The following CCDC88C variants were observed in gnomAD, a reference collection of about 807,000 sequenced individuals.
CCDC88C encodes the protein protein Daple.
A neutral mutation model predicts 198.8 loss-of-function variants in CCDC88C; 131 were observed. The ratio of observed to expected loss-of-function variants is 0.66; its 90% CI spans 0.57 to 0.76. CCDC88C has a LOEUF of 0.76. Ranked by LOEUF, CCDC88C falls within the 30% of genes least tolerant of loss-of-function variation. The pLI is 0.00. For missense variants in CCDC88C, 2,553 were observed against 2,631.6 expected (o/e 0.97, Z 0.65); for synonymous variants, 1,166 against 1,114.7 (o/e 1.05, Z -0.92).
chr14:91,359,995 A>AAGCT (rs1894232954), intron 3 of CCDC88C, among the ~76,000 whole-genome samples: 1 of 152,216 alleles, frequency 6.6e-6, no homozygotes, highest in African/African-American at 2.4e-5. Flanking sequence ...AATAAAATGA[A>AAGCT]AGCTAAAGTT....
At chr14:91,296,264 G>C (rs760938551) in intron 22 of CCDC88C, among the ~76,000 whole-genome samples, 2 of 152,238 alleles carry the variant, frequency 1.3e-5, no homozygotes, top group Non-Finnish European at 2.9e-5. Flanking sequence ...TCCACCCTGA[G>C]TGAATCATCA....
At chr14:91,394,784 A>AACGTGCAGGGCTAGAGACAGGC (rs1270208031) in intron 3 of CCDC88C, among the ~76,000 whole-genome samples, 1 of 152,220 alleles carries the variant, frequency 6.6e-6, no homozygotes, top group Admixed American at 6.5e-5. Context: ...ACAGGAGAAA[A>AACGTGCAGGGCTAGAGACAGGC]ACGTGCAGGG....
Position 91,304,158 on chromosome 14 carries a change from C to T in CCDC88C, c.3358-180G>A, listed in dbSNP as rs548733855. On this transcript the variant is annotated intron_variant, in intron 19 of 29. Coordinates refer to ENST00000389857, the MANE Select transcript of CCDC88C (RefSeq NM_001080414.4). ...CAACTGCTGTGGGAAGGGGACTAAA[C>T]CGCATAGACGGGCACTCAGAGGGTA... Among the ~76,000 whole-genome samples the T allele has an allele frequency of 3.3e-5, 5 of 152,384 alleles. No homozygotes were observed. In the East Asian group the frequency reaches 9.6e-4, roughly 29 times the overall value.
In CCDC88C at chr14:91,285,820, C is replaced by G. The variant is rs144129662; in HGVS notation, c.4442-2303G>C. 3,423 of 1,288,546 alleles carry G rather than the reference C, an allele frequency of 2.7e-3. 6 individuals carry two copies. Among genetic ancestry groups the G allele is most frequent in the Non-Finnish European group, 2.9e-3 (2,907 of 988,506 alleles). The allele number at this position is 1,288,546 out of a possible 1,614,324, so 79.8% of individuals were successfully genotyped here. On this transcript the variant is annotated intron_variant, in intron 25 of 29. Transcript: ENST00000389857. ...TGTTTTTGCTTTTCAAAAAGGGACT[C>G]TTTTTGCGCGGAGGTGCTAAATTGT...
intron 22 of CCDC88C, among the ~76,000 whole-genome samples, chr14:91,296,549 G>A (rs888392556): frequency 1.3e-5 from 2 of 152,176 alleles, no homozygotes; most frequent in African/African-American, 2.4e-5. Flanking sequence ...AGGGTCCCAG[G>A]GTCTCTCATT....
Position 91,416,793 on chromosome 14 carries a change from T to C in CCDC88C, c.106A>G (p.Thr36Ala). ...CCGTCCACTAAATCCATGTACATAG[T>C]CAGGTTGTCCTGGCTGCCGCTTCCA... The part of the protein sequence containing the change: ...PFGSGSQDNL[T>A]MYMDLVDGIF... The change falls in exon 2 of 30, where the codon ACT becomes GCT. Residue 36 changes from threonine to alanine, a missense_variant. By Grantham distance (58) the Thr-to-Ala change is moderately conservative. Coordinates refer to ENST00000389857, the MANE Select transcript of CCDC88C (RefSeq NM_001080414.4). 6.2e-7 allele frequency: 1 copy of C among 1,613,682 alleles called. No homozygotes were observed. The highest frequency in any genetic ancestry group is 1.1e-5 in the South Asian group (1 of 91,024).
intron 25 of CCDC88C, chr14:91,285,367 G>A (rs1178457638): frequency 1.1e-5 from 5 of 450,342 alleles, no homozygotes; most frequent in African/African-American, 4.0e-5. Flanking sequence ...TGCAAGAGAC[G>A]GGAGGGGGGC....
At chr14:91,328,298 G>T (rs1284419501) in intron 10 of CCDC88C, among the ~76,000 whole-genome samples, 1 of 152,076 alleles carries the variant, frequency 6.6e-6, no homozygotes. Flanking sequence ...GAAACATCTC[G>T]AGTGCCCTGC....
intron 2 of CCDC88C, among the ~76,000 whole-genome samples, chr14:91,413,637 C>G (rs1886898406): frequency 6.6e-6 from 1 of 152,200 alleles, no homozygotes; most frequent in Non-Finnish European, 1.5e-5. Flanking sequence ...ATGAATTCTC[C>G]TAGCCCTGGG....
At chr14:91,299,415 G>A (rs930467191) in intron 21 of CCDC88C, among the ~76,000 whole-genome samples, 1 of 152,214 alleles carries the variant, frequency 6.6e-6, no homozygotes, top group African/African-American at 2.4e-5. Context: ...AGTAGGAGCT[G>A]AAACAAGAAG....
rs200872231 is a variant in CCDC88C, at chr14:91,313,226, C to T, written c.2590G>A (p.Ala864Thr). Residue 864 changes from alanine to threonine, a missense_variant, in exon 15 of 30, where the codon GCC becomes ACC. This residue lies in a region of CCDC88C where 1,260 missense variants were observed against 1,412.0 expected (regional missense o/e 0.89). Transcript: ENST00000389857. The surrounding 1 kb of genome is among the most constrained non-coding windows in gnomAD (Gnocchi z 5.2). ...VLDDSTAKLS[A>T]VEKESRALDK... Reference sequence around the variant, plus strand: ...AGCGCGCGGCTCTCCTTCTCAACGGCGGACAGTTTGGCAGTGCTATCGTCC... The same window carrying T: ...AGCGCGCGGCTCTCCTTCTCAACGGTGGACAGTTTGGCAGTGCTATCGTCC... 4.4e-5 allele frequency: 71 copies of T among 1,613,990 alleles called. No individual in the cohort carries two copies. Among genetic ancestry groups the T allele is most frequent in the African/African-American group, 2.5e-4 (19 of 75,070 alleles).
chr14:91,321,334 G>C, intron 12 of CCDC88C, 30 bp from the exon 13 acceptor site: 1 of 1,547,094 alleles, frequency 6.5e-7, no homozygotes, highest in Non-Finnish European at 8.7e-7. Context: ...AGAGCCCAGT[G>C]GTCTGTGGGC....
At chr14:91,329,501 C>G (rs1892721922) in intron 10 of CCDC88C, among the ~76,000 whole-genome samples, 1 of 152,188 alleles carries the variant, frequency 6.6e-6, no homozygotes, top group Non-Finnish European at 1.5e-5. Flanking sequence ...AGGAGTACCC[C>G]TCTTGCAGCA....
At position 91,338,974 on chromosome 14, in the gene CCDC88C, T is replaced by C. The variant is rs1326428767; in HGVS notation, c.809+304A>G. 5.8e-6 allele frequency: 3 copies of C among 513,440 alleles called. No homozygotes were observed. The highest frequency in any genetic ancestry group is 1.1e-5 in the Non-Finnish European group (3 of 280,794). The allele number at this position is 513,440 out of a possible 1,614,324, so 31.8% of individuals were successfully genotyped here. A position where few individuals can be genotyped will look rare whatever the true frequency, so the allele number is the denominator to read the frequency against. On this transcript the variant is annotated intron_variant, in intron 8 of 29. Transcript: ENST00000389857. The surrounding 1 kb of genome is among the most constrained non-coding windows in gnomAD (Gnocchi z 4.8). Reference sequence around the variant, plus strand: ...TCCAGCCAAGAAAACACATCAGGTGTGGTCGTCCCGGCCCCAAGCTGGAGC... The same window carrying C: ...TCCAGCCAAGAAAACACATCAGGTGCGGTCGTCCCGGCCCCAAGCTGGAGC...
chr14:91,286,381 A>C (rs1055926688), intron 25 of CCDC88C, among the ~76,000 whole-genome samples: 5 of 152,208 alleles, frequency 3.3e-5, no homozygotes, highest in African/African-American at 9.7e-5. Flanking sequence ...GAGTTTTAAA[A>C]TAATTTAAAT....
At position 91,361,481 on chromosome 14, in the gene CCDC88C, C is replaced by A. The variant is rs572552448; in HGVS notation, c.271-1770G>T. The stretch of plus-strand genomic sequence containing the variant: ...ACCTGCAGAGAACATAGAAGATGGT[C>A]TTCTCGTCCCTCCTTATTGTCTTTC... On this transcript the variant is annotated intron_variant, in intron 3 of 29. Coordinates refer to ENST00000389857, the MANE Select transcript of CCDC88C (RefSeq NM_001080414.4). 3.2e-4 allele frequency among the ~76,000 whole-genome samples: 48 copies of A among 152,302 alleles called. 2 individuals carry two copies. The South Asian group carries it at 7.2e-3, about 23-fold the overall frequency.
At position 91,297,364 on chromosome 14, in the gene CCDC88C, G is replaced by A; in HGVS notation, c.3907C>T (p.Leu1303=). The A allele has an allele frequency of 6.2e-7, 1 of 1,613,638 alleles. No individual in the cohort carries two copies. The highest frequency in any genetic ancestry group is 8.5e-7 in the Non-Finnish European group (1 of 1,179,774). ...TCCATGGTCTGGTGCTGCTCCTTCA[G>A]CTCGTCGAAGCGGGCCTGCCAGCGG... The part of the protein sequence containing the change: ...LNRWQARFDE[L]KEQHQTMDIS... Residue 1303 remains leucine (L), a synonymous_variant, in exon 22 of 30, where the codon CTG becomes TTG. Coordinates refer to ENST00000389857, the MANE Select transcript of CCDC88C (RefSeq NM_001080414.4).
rs1567055824 is a variant in CCDC88C, at chr14:91,293,542, ACCTTCCTGTCCCCTCGCCTGCCACG to A, written c.4112+606_4112+630del. On this transcript the variant is annotated intron_variant, in intron 23 of 29. Transcript: ENST00000389857. Reference sequence around the variant, plus strand: ...CCTGTCCCCTCACCTGCCACGGCCCACCTTCCTGTCCCCTCGCCTGCCACGGCCCACCTTCCTGTCCCCTCGCCTG... The same window carrying A: ...CCTGTCCCCTCACCTGCCACGGCCCAGCCCACCTTCCTGTCCCCTCGCCTG... Among the ~76,000 whole-genome samples, 112 of 17,964 alleles carry A rather than the reference ACCTTCCTGTCCCCTCGCCTGCCACG, an allele frequency of 6.2e-3. 17 individuals are homozygous for A. Among genetic ancestry groups the A allele is most frequent in the South Asian group, 0.038 (15 of 398 alleles). The allele number at this position is 17,964 out of a possible 152,430, so 11.8% of individuals were successfully genotyped here.
At chr14:91,345,190 A>ATATATATTTTTTTTTTT (rs1246878587) in intron 4 of CCDC88C, among the ~76,000 whole-genome samples, 5 of 52,204 alleles carry the variant, frequency 9.6e-5, no homozygotes, top group Non-Finnish European at 1.4e-4. Flanking sequence ...ATATATATAT[A>ATATATATTTTTTTTTTT]TTTTTTTTTT....
Sources: allele counts gnomAD v4.1 joint callset (sites outside exome capture counted in the v4.1 genomes callset), GRCh38; gene constraint gnomAD v4.1.1; regional missense constraint gnomAD v4.1.1; non-coding constraint Gnocchi (gnomAD v3.1); transcripts MANE v1.5; gene names NCBI Gene and HGNC (gene_info 2026-07-23, HGNC 2026-07-21).